VGLL4: variants seen among roughly 807,000 people sequenced by gnomAD.
VGLL4 encodes the protein vestigial like family member 4.
In VGLL4, 7 loss-of-function variants were observed where a neutral mutation model predicts 21.0. The observed-to-expected ratio is 0.33, with a 90% CI of 0.19 to 0.63. The LOEUF is 0.63. VGLL4 is among the 20% of genes least tolerant of loss of function. The pLI, the probability that VGLL4 is intolerant of heterozygous loss-of-function variation, is 0.78. For missense variants in VGLL4, 394 were observed against 425.7 expected (o/e 0.93, Z 0.66); for synonymous variants, 222 against 173.2 (o/e 1.28, Z -2.21).
chr3:11,634,964 C>T (rs896336471), intron 1 of VGLL4, among the ~76,000 whole-genome samples: 1 of 152,108 alleles, frequency 6.6e-6, no homozygotes, highest in Non-Finnish European at 1.5e-5. Context: ...GAGCAACCGC[C>T]CCTGGCCAGG....
intron 1 of VGLL4, among the ~76,000 whole-genome samples, chr3:11,640,375 T>C (rs1379741543): frequency 6.6e-6 from 1 of 152,084 alleles, no homozygotes; most frequent in Admixed American, 6.5e-5. Flanking sequence ...GACCTTTGCA[T>C]GGAGACAGAG....
At position 11,564,836 on chromosome 3, in the gene VGLL4, G is replaced by T; in HGVS notation, c.456C>A (p.Ala152=). ...TKNSLDASRP[A]GLSPTLTPGE... ...CCGGGGTCAGTGTGGGCGAGAGGCC[G>T]GCTGGCCTGCTGGCGTCCAGGCTGT... is the stretch of plus-strand genomic sequence containing the variant. Residue 152 remains alanine, a synonymous_variant, in exon 3 of 5, where the codon GCC becomes GCA. Coordinates refer to ENST00000430365, the MANE Select transcript of VGLL4 (RefSeq NM_001128219.3). The T allele has an allele frequency of 6.3e-7, 1 of 1,597,778 alleles. No individual in the cohort carries two copies.
At chr3:11,573,637 C>A (rs2073943621) in intron 2 of VGLL4, among the ~76,000 whole-genome samples, 1 of 152,242 alleles carries the variant, frequency 6.6e-6, no homozygotes, top group Admixed American at 6.5e-5. Flanking sequence ...TTCTGCCATT[C>A]TCCTGGCATG....
intron 3 of VGLL4, 60 bp from the exon 4 acceptor site, chr3:11,559,515 G>A: frequency 2.7e-6 from 4 of 1,483,388 alleles, no homozygotes; most frequent in South Asian, 1.4e-5. Flanking sequence ...CACCACCCCT[G>A]GGGCCCTCCC....
At position 11,565,056 on chromosome 3, in the gene VGLL4, T is replaced by C; in HGVS notation, c.273-37A>G. On this transcript the variant is annotated intron_variant, in intron 2 of 4. Coordinates refer to ENST00000430365, the MANE Select transcript of VGLL4 (RefSeq NM_001128219.3). This position sits in a 1 kb window ranked among gnomAD's most constrained non-coding sequence, Gnocchi z 4.1. ...GAATGGGCATTCAGGGGGCGTTTTC[T>C]CAAAGGCAAAGGGGACAGTGACTGT... 1 of 1,461,002 alleles carries C rather than the reference T, an allele frequency of 6.8e-7. No homozygotes were observed. The highest frequency in any genetic ancestry group is 9.0e-7 in the Non-Finnish European group (1 of 1,106,632). The allele number at this position is 1,461,002 out of a possible 1,614,324, so 90.5% of individuals were successfully genotyped here.
In VGLL4 at chr3:11,570,694, A is replaced by C. The variant is rs78790907; in HGVS notation, c.273-5675T>G. Among the ~76,000 whole-genome samples, 20 of 152,330 alleles carry C rather than the reference A, an allele frequency of 1.3e-4. No homozygotes were observed. In the East Asian group the frequency reaches 3.9e-3, roughly 29 times the overall value. ...CTGGTGGCAAAGACTTTTTTCTGAA[A>C]AAGCAAAATTTAAGGAACATTTAAA... On this transcript the variant is annotated intron_variant, in intron 2 of 4. Coordinates refer to ENST00000430365, the MANE Select transcript of VGLL4 (RefSeq NM_001128219.3).
intron 1 of VGLL4, chr3:11,604,373 C>G: frequency 2.1e-6 from 2 of 956,482 alleles, no homozygotes; most frequent in Non-Finnish European, 2.5e-6. Flanking sequence ...CCCATGGCCT[C>G]TGCAATCAGA....
intron 1 of VGLL4, among the ~76,000 whole-genome samples, chr3:11,618,165 A>C (rs1271756634): frequency 6.6e-6 from 1 of 152,236 alleles, no homozygotes; most frequent in Non-Finnish European, 1.5e-5. Flanking sequence ...ATTAAAATAA[A>C]CCAATTCTAA....
At chr3:11,585,381 C>T (rs1414255184) in intron 2 of VGLL4, among the ~76,000 whole-genome samples, 5 of 150,818 alleles carry the variant, frequency 3.3e-5, no homozygotes, top group Non-Finnish European at 2.9e-5. Context: ...TGCAGTGCAC[C>T]GAGATTGCGC....
intron 2 of VGLL4, among the ~76,000 whole-genome samples, chr3:11,664,373 G>A (rs116226430): frequency 0.016 from 2,408 of 152,252 alleles, 51 homozygotes; most frequent in African/African-American, 0.051. Flanking sequence ...GCACTCTATG[G>A]GGAGTCCAAA....
chr3:11,585,145 A>G (rs960271017), intron 2 of VGLL4, among the ~76,000 whole-genome samples: 2 of 152,140 alleles, frequency 1.3e-5, no homozygotes, highest in African/African-American at 4.8e-5. Context: ...CAGTCAAGAG[A>G]CTTCACTGGG....
chr3:11,714,861 C>T (rs975625770), intron 1 of VGLL4, among the ~76,000 whole-genome samples: 1 of 152,152 alleles, frequency 6.6e-6, no homozygotes, highest in African/African-American at 2.4e-5. Flanking sequence ...TTGGGCTGGG[C>T]GCAGTGGCTC....
rs1160188554 is a variant in VGLL4, at chr3:11,559,193, G to A, written c.619+139C>T. ...TCATGCGCAACGCTAGGCGCACACTGGACGTGCTCAAGAAATACTTTTTCA... is the reference window on the plus strand; with the variant it reads ...TCATGCGCAACGCTAGGCGCACACTAGACGTGCTCAAGAAATACTTTTTCA... On this transcript the variant is annotated intron_variant, in intron 4 of 4. Transcript: ENST00000430365. 5.8e-6 allele frequency: 8 copies of A among 1,377,260 alleles called. No individual in the cohort carries two copies. In the East Asian group the frequency reaches 1.3e-4, roughly 22 times the overall value. The allele number at this position is 1,377,260 out of a possible 1,614,324, so 85.3% of individuals were successfully genotyped here. A position where few individuals can be genotyped will look rare whatever the true frequency, so the allele number is the denominator to read the frequency against.
intron 2 of VGLL4, among the ~76,000 whole-genome samples, chr3:11,676,110 G>A (rs1048637080): frequency 1.2e-4 from 18 of 152,084 alleles, no homozygotes; most frequent in Middle Eastern, 3.2e-3. Context: ...ATTTTTGGCC[G>A]GGTGCAGTGG....
At chr3:11,564,688 ACCTC>A (rs1295120435) in intron 3 of VGLL4, 105 bp downstream of exon 3, 7 of 1,328,028 alleles carry the variant, frequency 5.3e-6, no homozygotes, top group Non-Finnish European at 7.2e-6. Context: ...CTCCCTCACC[ACCTC>A]CCTCCCTCAC....
intron 2 of VGLL4, among the ~76,000 whole-genome samples, chr3:11,696,957 G>A (rs1277707569): frequency 1.3e-5 from 2 of 152,088 alleles, no homozygotes; most frequent in Admixed American, 6.5e-5. Context: ...TGCCTACGCT[G>A]GTCTCAAACT....
At chr3:11,688,203 A>T (rs2076478082) in intron 2 of VGLL4, among the ~76,000 whole-genome samples, 1 of 152,164 alleles carries the variant, frequency 6.6e-6, no homozygotes. Context: ...ATTTTATTTA[A>T]CTTTGTACTC....
In VGLL4 at chr3:11,564,738, T is replaced by C. The variant is rs1286371696; in HGVS notation, c.495+59A>G. The C allele has an allele frequency of 2.0e-6, 3 of 1,487,872 alleles. No homozygotes were observed. In the South Asian group the frequency reaches 3.7e-5, roughly 18 times the overall value. The allele number at this position is 1,487,872 out of a possible 1,614,324, so 92.2% of individuals were successfully genotyped here. On this transcript the variant is annotated intron_variant, in intron 3 of 4. Transcript: ENST00000430365. ...GGAGTCCTCTGCTCGGGGCTCTCCA[T>C]CCAGCCCAGTCCCCCAGCCCCTGGA...
chr3:11,658,789 C>T (rs1288382211), intron 2 of VGLL4, among the ~76,000 whole-genome samples: 3 of 152,086 alleles, frequency 2.0e-5, no homozygotes, highest in Non-Finnish European at 4.4e-5. Flanking sequence ...ACTTATAAAA[C>T]GCACTGAGTC....
Sources: allele counts gnomAD v4.1 joint callset (sites outside exome capture counted in the v4.1 genomes callset), GRCh38; gene constraint gnomAD v4.1.1; non-coding constraint Gnocchi (gnomAD v3.1); transcripts MANE v1.5; gene names NCBI Gene and HGNC (gene_info 2026-07-23, HGNC 2026-07-21).